PCSK6: variants seen among roughly 807,000 people sequenced by gnomAD.
The protein encoded by PCSK6 is proprotein convertase subtilisin/kexin type 6, also known as paired basic amino acid cleaving enzyme 4.
In PCSK6, 85 loss-of-function variants were observed where a neutral mutation model predicts 123.3. The ratio of observed to expected loss-of-function variants is 0.69; its 90% CI spans 0.58 to 0.83. PCSK6 has a LOEUF of 0.83. Among genes scored for constraint, PCSK6 ranks in the 40% least tolerant of loss-of-function variants. PCSK6 has a pLI of 0.00. For missense variants in PCSK6, 1,191 were observed against 1,282.3 expected (o/e 0.93, Z 1.09); for synonymous variants, 508 against 516.0 (o/e 0.98, Z 0.21).
intron 1 of PCSK6, among the ~76,000 whole-genome samples, chr15:101,453,898 C>T (rs1481508713): frequency 1.3e-5 from 2 of 152,222 alleles, no homozygotes; most frequent in Admixed American, 1.3e-4. Context: ...TGGACTGTGT[C>T]TGTGACCTTG....
intron 1 of PCSK6, among the ~76,000 whole-genome samples, chr15:101,486,867 T>C (rs1347928384): frequency 1.3e-5 from 2 of 152,148 alleles, no homozygotes; most frequent in African/African-American, 4.8e-5. Flanking sequence ...AGAAAGAGTT[T>C]CACAAAGGAG....
At chr15:101,430,785 A>T (rs1197178793) in intron 4 of PCSK6, among the ~76,000 whole-genome samples, 1 of 152,238 alleles carries the variant, frequency 6.6e-6, no homozygotes, top group African/African-American at 2.4e-5. Context: ...TATTTACGAT[A>T]TGCCAAGCTT....
Position 101,443,123 on chromosome 15 carries a change from C to T in PCSK6, c.402+433G>A, listed in dbSNP as rs368953873. 7.9e-5 allele frequency among the ~76,000 whole-genome samples: 12 copies of T among 152,310 alleles called. No individual in the cohort carries two copies. In the East Asian group the frequency reaches 2.3e-3, roughly 29 times the overall value. On this transcript the variant is annotated intron_variant, in intron 2 of 21. Transcript: ENST00000611716. The stretch of plus-strand genomic sequence containing the variant: ...AAAATGTTAGCCTCCTTTCAAATCG[C>T]ATTTGTTTTAATCCTGAAGATCATG...
At chr15:101,448,076 T>C (rs1386023870) in intron 1 of PCSK6, among the ~76,000 whole-genome samples, 1 of 152,250 alleles carries the variant, frequency 6.6e-6, no homozygotes, top group African/African-American at 2.4e-5. Flanking sequence ...TGTCATAACA[T>C]GAAATTTAAA....
intron 13 of PCSK6, among the ~76,000 whole-genome samples, chr15:101,362,288 A>G (rs1405275140): frequency 1.3e-5 from 2 of 152,200 alleles, no homozygotes; most frequent in African/African-American, 4.8e-5. Flanking sequence ...GAAAGCAAGA[A>G]AGAGGCAGTT....
intron 2 of PCSK6, among the ~76,000 whole-genome samples, chr15:101,435,318 AAAAG>A (rs56796892): frequency 0.34 from 50,291 of 147,760 alleles, 8,956 homozygotes; most frequent in African/African-American, 0.49. Context: ...CTCAAAAAAA[AAAAG>A]AAAGAAAGAA....
chr15:101,325,236 C>G (rs1190429057), intron 16 of PCSK6, among the ~76,000 whole-genome samples, 190 bp from the exon 17 acceptor site: 2 of 152,176 alleles, frequency 1.3e-5, no homozygotes, highest in Non-Finnish European at 2.9e-5. Flanking sequence ...TTGCATAGAA[C>G]CTGGGAATCC....
chr15:101,428,764 A>T (rs2056345646), intron 5 of PCSK6, among the ~76,000 whole-genome samples: 1 of 152,218 alleles, frequency 6.6e-6, no homozygotes, highest in African/African-American at 2.4e-5. Flanking sequence ...CCCAGGCAGC[A>T]GCCCTCTGGA....
chr15:101,367,404 T>C (rs2041432213), intron 12 of PCSK6, among the ~76,000 whole-genome samples: 1 of 152,252 alleles, frequency 6.6e-6, no homozygotes, highest in Non-Finnish European at 1.5e-5. Flanking sequence ...TTTTGAATGA[T>C]GTAAGATTCA....
chr15:101,313,524 G>T lies in PCSK6; in HGVS notation c.2570-19C>A, dbSNP rs1461928702. The T allele has an allele frequency of 1.3e-6, 2 of 1,583,226 alleles. No homozygotes were observed. Among genetic ancestry groups the T allele is most frequent in the Admixed American group, 1.7e-5 (1 of 59,378 alleles). ...CCTGGCCCTGAGAGACACAGGAAAA[G>T]AAGCAGGTATCAGGGATGGCTGGCA... On this transcript the variant is annotated intron_variant, in intron 19 of 21. Coordinates refer to ENST00000611716, the MANE Select transcript of PCSK6 (RefSeq NM_002570.5).
intron 1 of PCSK6, among the ~76,000 whole-genome samples, chr15:101,481,190 G>T (rs1262690418): frequency 1.3e-5 from 2 of 152,188 alleles, no homozygotes; most frequent in African/African-American, 4.8e-5. Context: ...CAAGCCAGCA[G>T]GCAACGTCCA....
At chr15:101,481,859 G>A (rs1215923384) in intron 1 of PCSK6, among the ~76,000 whole-genome samples, 2 of 152,246 alleles carry the variant, frequency 1.3e-5, no homozygotes, top group East Asian at 3.9e-4. Context: ...TGGCTTCCTA[G>A]AAGGACTGGA....
chr15:101,389,615 A>C, intron 8 of PCSK6, 51 bp from the exon 9 acceptor site: 4 of 1,463,622 alleles, frequency 2.7e-6, no homozygotes, highest in Admixed American at 1.8e-5. Flanking sequence ...AGGCTAACTC[A>C]CTCTGTGGAG....
At chr15:101,433,288 C>T (rs7170232) in intron 2 of PCSK6, among the ~76,000 whole-genome samples, 35,561 of 152,228 alleles carry the variant, frequency 0.23, 4,354 homozygotes, top group South Asian at 0.32. Flanking sequence ...GCCTGGAGCA[C>T]TCCTGCTCTT....
At chr15:101,314,277 G>T (rs1158757395) in intron 19 of PCSK6, among the ~76,000 whole-genome samples, 1 of 152,192 alleles carries the variant, frequency 6.6e-6, no homozygotes, top group African/African-American at 2.4e-5. Context: ...AGGACCTGTC[G>T]ACCTGGGTCA....
At chr15:101,374,999 CT>C (rs1252963048) in intron 11 of PCSK6, among the ~76,000 whole-genome samples, 1 of 151,394 alleles carries the variant, frequency 6.6e-6, no homozygotes, top group Non-Finnish European at 1.5e-5. Flanking sequence ...TGTCCGCAGG[CT>C]GGAGTGCAGT....
chr15:101,423,740 G>T (rs2056160875), intron 6 of PCSK6, among the ~76,000 whole-genome samples: 4 of 152,086 alleles, frequency 2.6e-5, no homozygotes, highest in Admixed American at 2.6e-4. Flanking sequence ...CCCACAGAGA[G>T]TAGAAAGAAA....
Position 101,370,477 on chromosome 15 carries a change from C to T in PCSK6, c.1579G>A (p.Ala527Thr), listed in dbSNP as rs1487969024. Residue 527 changes from alanine (A) to threonine (T), a missense_variant, in exon 12 of 22, where the codon GCC becomes ACC. Physicochemically the swap from Ala to Thr is moderately conservative, Grantham distance 58. Around this residue, in one of 3 missense-constraint regions of PCSK6, gnomAD observed 630 missense variants for 631.4 expected, o/e 1.00. Transcript: ENST00000611716. ...CGCTGGTCCGAGTGCTCCGCGCAGG[C>T]GCTGGTCAGGGCCGTAGTCCGCAGC... Reference protein sequence around the residue: ...QVLRTTALTSACAEHSDQRVV... With the variant: ...QVLRTTALTSTCAEHSDQRVV... The T allele has an allele frequency of 7.1e-6, 11 of 1,546,452 alleles. No individual in the cohort carries two copies. The highest frequency in any genetic ancestry group is 2.4e-5 in the South Asian group (2 of 83,448).
chr15:101,375,801 G>A (rs1174990918), intron 11 of PCSK6, among the ~76,000 whole-genome samples: 3 of 152,208 alleles, frequency 2.0e-5, no homozygotes, highest in Admixed American at 2.0e-4. Context: ...TTGAGAGGCT[G>A]AGGTGGGTGA....
Sources: gnomAD v4.1 joint callset for allele counts (sites outside exome capture counted in the v4.1 genomes callset) on GRCh38, gnomAD v4.1.1 for gene constraint, gnomAD v4.1.1 regional missense constraint, MANE v1.5 for transcripts, NCBI Gene and HGNC (gene_info 2026-07-23, HGNC 2026-07-21) for gene names.